Variants in WIPF3 observed in about 807,000 individuals in gnomAD.
WIPF3 encodes WAS/WASL interacting protein family member 3, also known as WAS/WASL-interacting protein family member 3.
WIPF3 carries 33 observed loss-of-function variants against 38.9 expected under a neutral mutation model. The observed-to-expected ratio is 0.85, with a 90% CI of 0.64 to 1.14. The LOEUF (loss-of-function observed/expected upper bound fraction) is 1.14. WIPF3 is among the 50% of genes most tolerant of loss of function. The pLI is 0.00. For synonymous variants in WIPF3, 324 were observed against 269.3 expected (o/e 1.20, Z -1.99); for missense variants, 711 against 652.5 (o/e 1.09, Z -0.98).
chr7:29,876,078 A>G, intron 3 of WIPF3, 116 bp downstream of exon 3: 2 of 1,388,740 alleles, frequency 1.4e-6, no homozygotes, highest in Admixed American at 2.4e-5. Context: ...ATATGGAGCC[A>G]TCTCAGACCT....
rs1022527583 is a variant in WIPF3 at position 29,878,448 on chromosome 7, G to T, written c.224-561G>T. On this transcript the variant is annotated intron_variant, in intron 3 of 8. Transcript: ENST00000242140. This position sits in a 1 kb window ranked among gnomAD's most constrained non-coding sequence, Gnocchi z 4.0. ...CTCATGATCTTTCCGTTCCATAGAT[G>T]AAAAGGTGCAGGGAGGTGCGAGGGG... Among the ~76,000 whole-genome samples, 21 of 152,140 alleles carry T rather than the reference G, an allele frequency of 1.4e-4. No homozygotes were observed. Among genetic ancestry groups the T allele is most frequent in the Non-Finnish European group, 2.6e-4 (18 of 68,030 alleles).
Position 29,840,499 on chromosome 7 carries a change from C to G in WIPF3, c.90+5685C>G, listed in dbSNP as rs545610519. On this transcript the variant is annotated intron_variant, in intron 2 of 8. Coordinates refer to ENST00000242140, the MANE Select transcript of WIPF3 (RefSeq NM_001080529.3). Reference sequence around the variant, plus strand: ...GGTCTATATTTGATGTTTTGTGTCACTCATGCCTGGCTCGAAATAAGTACT... The same window carrying G: ...GGTCTATATTTGATGTTTTGTGTCAGTCATGCCTGGCTCGAAATAAGTACT... 1.8e-4 allele frequency among the ~76,000 whole-genome samples: 27 copies of G among 152,294 alleles called. No homozygotes were observed. In the South Asian group the frequency reaches 3.3e-3, roughly 19 times the overall value.
At chr7:29,875,729 G>A (rs1305562298) in intron 2 of WIPF3, 101 bp from the exon 3 acceptor site, 23 of 1,492,134 alleles carry the variant, frequency 1.5e-5, no homozygotes, top group Admixed American at 9.0e-5. Flanking sequence ...GGAGTGGGAC[G>A]GGGAAGACAG....
chr7:29,868,533 T>C (rs889071394), intron 2 of WIPF3, among the ~76,000 whole-genome samples: 29 of 151,096 alleles, frequency 1.9e-4, no homozygotes, highest in African/African-American at 7.0e-4. Context: ...TATATATATA[T>C]ATACACACAC....
intron 3 of WIPF3, among the ~76,000 whole-genome samples, 156 bp downstream of exon 3, chr7:29,876,118 A>G (rs1785591966): frequency 6.6e-6 from 1 of 152,240 alleles, no homozygotes; most frequent in Admixed American, 6.5e-5. Context: ...TGGGCGAGAG[A>G]ACCAGAGCTT....
intron 2 of WIPF3, among the ~76,000 whole-genome samples, chr7:29,862,062 T>C (rs1785290875): frequency 6.6e-6 from 1 of 152,188 alleles, no homozygotes; most frequent in South Asian, 2.1e-4. Flanking sequence ...CGGGAAGCCC[T>C]GGTGTGGTTG....
At position 29,902,683 on chromosome 7, in the gene WIPF3, T is replaced by G. The variant is rs529128601; in HGVS notation, c.1352-1603T>G. The stretch of plus-strand genomic sequence containing the variant: ...CAAAACCTTGTCTCTACTAAAAATA[T>G]CAAAAAAATTAGCCAGGCATGGTGG... On this transcript the variant is annotated intron_variant, in intron 7 of 8. Transcript: ENST00000242140. 1.7e-3 allele frequency among the ~76,000 whole-genome samples: 253 copies of G among 151,598 alleles called. 1 individual carries two copies. Among genetic ancestry groups the G allele is most frequent in the African/African-American group, 6.0e-3 (246 of 41,278 alleles).
intron 2 of WIPF3, among the ~76,000 whole-genome samples, chr7:29,863,420 A>G (rs62457583): frequency 0.12 from 17,643 of 152,288 alleles, 1,117 homozygotes; most frequent in African/African-American, 0.17. Context: ...TCATATGAAC[A>G]TAAATCTCTA....
intron 5 of WIPF3, among the ~76,000 whole-genome samples, chr7:29,886,026 G>C (rs1362243017): frequency 6.6e-6 from 1 of 152,000 alleles, no homozygotes; most frequent in African/African-American, 2.4e-5. Context: ...GTCTTTATAA[G>C]CATGACAATA....
chr7:29,910,869 C>G (rs1786492666), intron 8 of WIPF3, among the ~76,000 whole-genome samples: 1 of 152,132 alleles, frequency 6.6e-6, no homozygotes, highest in Non-Finnish European at 1.5e-5. Flanking sequence ...GGCAAGGATG[C>G]CTGCTTTCAT....
At chr7:29,882,520 T>C (rs1785741405) in intron 4 of WIPF3, among the ~76,000 whole-genome samples, 2 of 152,222 alleles carry the variant, frequency 1.3e-5, no homozygotes. Context: ...GGCTCATATT[T>C]GGAAAGCCAG....
At chr7:29,861,461 C>G (rs190524210) in intron 2 of WIPF3, among the ~76,000 whole-genome samples, 1 of 152,330 alleles carries the variant, frequency 6.6e-6, no homozygotes, top group Admixed American at 6.5e-5. Flanking sequence ...GGCAGGGGTA[C>G]TGCACAGTCT....
chr7:29,898,707 A>T (rs1786209902), intron 7 of WIPF3, among the ~76,000 whole-genome samples: 1 of 152,110 alleles, frequency 6.6e-6, no homozygotes, highest in Non-Finnish European at 1.5e-5. Context: ...GTTCCTTCTG[A>T]TACCTGGTTC....
At chr7:29,863,818 A>G (rs1227634500) in intron 2 of WIPF3, among the ~76,000 whole-genome samples, 3 of 152,126 alleles carry the variant, frequency 2.0e-5, no homozygotes, top group African/African-American at 4.8e-5. Flanking sequence ...TTTCCTTTGT[A>G]CTTGGAGCAT....
chr7:29,829,874 T>C (rs1052729557), intron 1 of WIPF3, among the ~76,000 whole-genome samples: 1 of 152,240 alleles, frequency 6.6e-6, no homozygotes, highest in Non-Finnish European at 1.5e-5. Flanking sequence ...TGTTTTGCGA[T>C]AGTTCATGAA....
chr7:29,831,664 A>G (rs1784724461), intron 1 of WIPF3, among the ~76,000 whole-genome samples: 1 of 152,264 alleles, frequency 6.6e-6, no homozygotes, highest in Non-Finnish European at 1.5e-5. Context: ...TTTTTCACAT[A>G]TGTAAAGTCT....
At chr7:29,889,192 A>C in intron 6 of WIPF3, 114 bp from the exon 7 acceptor site, 1 of 790,610 alleles carries the variant, frequency 1.3e-6, no homozygotes, top group Non-Finnish European at 2.1e-6. Context: ...TGCACTGAGC[A>C]GGCAAACAGA....
At chr7:29,840,784 A>G (rs1387138837) in intron 2 of WIPF3, among the ~76,000 whole-genome samples, 2 of 152,208 alleles carry the variant, frequency 1.3e-5, no homozygotes, top group East Asian at 1.9e-4. Flanking sequence ...GAGGGAATGT[A>G]TAGCCCAGGA....
In WIPF3 at chr7:29,884,562, G is replaced by A; in HGVS notation, c.1068G>A (p.Pro356=). Reference sequence around the variant, plus strand: ...CGCCTGCCCCTCCGGGCTCCCAGCCGTTCCTGCAGAAGAAGAGGCATGGCC... The same window carrying A: ...CGCCTGCCCCTCCGGGCTCCCAGCCATTCCTGCAGAAGAAGAGGCATGGCC... ...PAPPAPPGSQ[P]FLQKKRHGRP... The change falls in exon 5 of 9, where the codon CCG becomes CCA. Residue 356 remains proline, a synonymous_variant. Transcript: ENST00000242140. 6.2e-7 allele frequency: 1 copy of A among 1,603,770 alleles called. No homozygotes were observed. The highest frequency in any genetic ancestry group is 1.1e-5 in the South Asian group (1 of 88,728).
Sources: allele counts gnomAD v4.1 joint callset (sites outside exome capture counted in the v4.1 genomes callset), GRCh38; gene constraint gnomAD v4.1.1; non-coding constraint Gnocchi (gnomAD v3.1); transcripts MANE v1.5; gene names NCBI Gene and HGNC (gene_info 2026-07-23, HGNC 2026-07-21).